The following CABLES2 variants were observed in gnomAD, a reference collection of about 807,000 sequenced individuals.
The protein encoded by CABLES2 is Cdk5 and Abl enzyme substrate 2, also known as CDK5 and ABL1 enzyme substrate 2.
CABLES2 carries 35 observed loss-of-function variants against 44.8 expected under a neutral mutation model. That is an observed-to-expected ratio of 0.78 (90% confidence interval 0.60 to 1.04). CABLES2 has a LOEUF of 1.04. Among genes scored for constraint, CABLES2 ranks in the 50% least tolerant of loss-of-function variants. CABLES2 has a pLI of 0.00. For synonymous variants in CABLES2, 282 were observed against 281.1 expected, an observed-to-expected ratio of 1.00 and a Z score of -0.03; for missense variants, 566 against 615.7, an observed-to-expected ratio of 0.92 and a Z score of 0.85.
intron 3 of CABLES2, among the ~76,000 whole-genome samples, chr20:62,395,625 C>A (rs547720184): frequency 6.6e-6 from 1 of 152,240 alleles, no homozygotes; most frequent in Non-Finnish European, 1.5e-5. Flanking sequence ...ACCAGGGGGA[C>A]AACAGTGGGA....
At chr20:62,393,098 G>T in intron 6 of CABLES2, 75 bp from the exon 7 acceptor site, 1 of 1,364,852 alleles carries the variant, frequency 7.3e-7, no homozygotes, top group East Asian at 2.3e-5. Flanking sequence ...TGGCAGGCCA[G>T]CGCCATGGCG....
At position 62,391,131 on chromosome 20, in the gene CABLES2, AGGGTTACAC is replaced by A. The variant is rs779829322; in HGVS notation, c.1297-29_1297-21del. 31 of 1,612,586 alleles carry A rather than the reference AGGGTTACAC, an allele frequency of 1.9e-5. No homozygotes were observed. Among genetic ancestry groups the A allele is most frequent in the Non-Finnish European group, 2.1e-5 (25 of 1,178,912 alleles). On this transcript the variant is annotated intron_variant, in intron 9 of 9. Coordinates refer to ENST00000279101, the MANE Select transcript of CABLES2 (RefSeq NM_031215.3). This position sits in a 1 kb window ranked among gnomAD's most constrained non-coding sequence, Gnocchi z 5.7. Reference sequence around the variant, plus strand: ...TAACTTCTGCAGGGGAGAAGAGAGAAGGGTTACACGGGAGCCTTCCCTCTTCCACATTTC... The same window carrying A: ...TAACTTCTGCAGGGGAGAAGAGAGAAGGGAGCCTTCCCTCTTCCACATTTC...
chr20:62,402,772 T>TG (rs1988213147), intron 1 of CABLES2: 1 of 152,448 alleles, frequency 6.6e-6, no homozygotes, highest in Non-Finnish European at 1.5e-5. Flanking sequence ...AGCATCCATA[T>TG]GGGGTCACAG....
chr20:62,394,890 T>G, intron 4 of CABLES2, 47 bp downstream of exon 4: 1 of 1,569,776 alleles, frequency 6.4e-7, no homozygotes, highest in South Asian at 1.1e-5. Context: ...AGGCCTTGCC[T>G]TCTGCCTAGA....
chr20:62,406,841 C>T, intron 1 of CABLES2, 74 bp downstream of exon 1: 1 of 885,704 alleles, frequency 1.1e-6, no homozygotes, highest in Non-Finnish European at 1.4e-6. Context: ...GACCCCTAGT[C>T]CTGGGCTGAT....
chr20:62,400,605 C>T (rs1221221935), intron 1 of CABLES2, among the ~76,000 whole-genome samples: 1 of 152,216 alleles, frequency 6.6e-6, no homozygotes, highest in African/African-American at 2.4e-5. Flanking sequence ...CTGGAAGCTC[C>T]TTCCCACGGG....
intron 1 of CABLES2, among the ~76,000 whole-genome samples, chr20:62,398,271 C>CGGTGGTGGTGGTGGTGAT: frequency 1.1e-5 from 1 of 95,236 alleles, no homozygotes; most frequent in Non-Finnish European, 2.1e-5. Context: ...ATGGTGATGG[C>CGGTGGTGGTGGTGGTGAT]GGTGGTGGTG....
Position 62,392,433 on chromosome 20 carries a change from C to T in CABLES2, c.1047G>A (p.Arg349=). Residue 349 remains arginine, a synonymous_variant, in exon 8 of 10, where the codon AGG becomes AGA. Coordinates refer to ENST00000279101, the MANE Select transcript of CABLES2 (RefSeq NM_031215.3). ...DLKKDMNETF[R]EKFPHVKLTL... Reference sequence around the variant, plus strand: ...TCAGTTTGACATGGGGGAACTTCTCCCTGAAGGTCTCGTTCATGTCCTTTT... The same window carrying T: ...TCAGTTTGACATGGGGGAACTTCTCTCTGAAGGTCTCGTTCATGTCCTTTT... The T allele has an allele frequency of 1.2e-6, 2 of 1,614,048 alleles. No homozygotes were observed. Among genetic ancestry groups the T allele is most frequent in the Non-Finnish European group, 1.7e-6 (2 of 1,179,980 alleles).
intron 1 of CABLES2, among the ~76,000 whole-genome samples, chr20:62,397,615 A>C (rs375483320): frequency 1.3e-5 from 2 of 152,178 alleles, no homozygotes; most frequent in African/African-American, 2.4e-5. Context: ...CGCAACTCCA[A>C]GTGCAGAGCT....
Position 62,391,217 on chromosome 20 carries a change from T to C in CABLES2, c.1296+32A>G. 1 of 1,602,804 alleles carries C rather than the reference T, an allele frequency of 6.2e-7. No homozygotes were observed. Among genetic ancestry groups the C allele is most frequent in the East Asian group, 2.2e-5 (1 of 44,638 alleles). ...TGGCCCTGGCTCGATGTCATGACCCTGCCTGCAGTGCCTGCCGAGCCGGGC... is the reference window on the plus strand; with the variant it reads ...TGGCCCTGGCTCGATGTCATGACCCCGCCTGCAGTGCCTGCCGAGCCGGGC... On this transcript the variant is annotated intron_variant, in intron 9 of 9. Transcript: ENST00000279101. This position sits in a 1 kb window ranked among gnomAD's most constrained non-coding sequence, Gnocchi z 5.7.
rs548105024 is a variant in CABLES2, at chr20:62,396,499, C to G, written c.434+22G>C. The G allele has an allele frequency of 4.4e-5, 71 of 1,613,504 alleles. No homozygotes were observed. Among genetic ancestry groups the G allele is most frequent in the Non-Finnish European group, 4.9e-5 (58 of 1,179,834 alleles). On this transcript the variant is annotated intron_variant, in intron 2 of 9. Coordinates refer to ENST00000279101, the MANE Select transcript of CABLES2 (RefSeq NM_031215.3). The surrounding 1 kb of genome is among the most constrained non-coding windows in gnomAD (Gnocchi z 5.7). ...GCAGCCCGAGCGGAGTCGTAGAGCTCGGGGCGGACGGGGGCGTGTACCTCT... is the reference window on the plus strand; with the variant it reads ...GCAGCCCGAGCGGAGTCGTAGAGCTGGGGGCGGACGGGGGCGTGTACCTCT...
At chr20:62,397,150 C>A (rs574251000) in intron 1 of CABLES2, among the ~76,000 whole-genome samples, 1 of 152,348 alleles carries the variant, frequency 6.6e-6, no homozygotes, top group African/African-American at 2.4e-5. Context: ...GCTGCTCCTC[C>A]GTCTGGAACA....
At chr20:62,393,345 T>C (rs936139045) in intron 6 of CABLES2, 95 bp downstream of exon 6, 16 of 1,309,858 alleles carry the variant, frequency 1.2e-5, no homozygotes, top group Admixed American at 2.2e-5. Context: ...GGCTACAGAT[T>C]GAAAGGGGCT....
Position 62,394,276 on chromosome 20 carries a change from G to A in CABLES2, c.606-11C>T. The A allele has an allele frequency of 6.2e-7, 1 of 1,610,306 alleles. No homozygotes were observed. The highest frequency in any genetic ancestry group is 8.5e-7 in the Non-Finnish European group (1 of 1,177,768). On this transcript the variant is annotated splice_polypyrimidine_tract_variant and intron_variant, in intron 4 of 9. Transcript: ENST00000279101. ...TCCACCCTCAGGTCACTGCAAACAT[G>A]GGAGAGGCAAGGGGCTGTGGTCTGC...
intron 1 of CABLES2, among the ~76,000 whole-genome samples, chr20:62,398,271 C>CGGTGGT (rs72320666): frequency 1.1e-5 from 1 of 95,236 alleles, no homozygotes; most frequent in Non-Finnish European, 2.1e-5. Flanking sequence ...ATGGTGATGG[C>CGGTGGT]GGTGGTGGTG....
At chr20:62,398,107 T>TGGC (rs1569017616) in intron 1 of CABLES2, among the ~76,000 whole-genome samples, 8 of 111,232 alleles carry the variant, frequency 7.2e-5, no homozygotes, top group Non-Finnish European at 9.6e-5. Flanking sequence ...GTGGTGGTGA[T>TGGC]GGTGGTGGTG....
intron 4 of CABLES2, among the ~76,000 whole-genome samples, chr20:62,394,631 G>A (rs1036012942): frequency 3.3e-5 from 5 of 152,124 alleles, no homozygotes; most frequent in African/African-American, 7.2e-5. Context: ...CCTGAATTAC[G>A]CACGGATACG....
At position 62,391,257 on chromosome 20, in the gene CABLES2, G is replaced by A. The variant is rs1987911256; in HGVS notation, c.1288C>T (p.Leu430Phe). The A allele has an allele frequency of 1.2e-6, 2 of 1,607,526 alleles. No individual in the cohort carries two copies. The highest frequency in any genetic ancestry group is 1.7e-6 in the Non-Finnish European group (2 of 1,175,972). ...CCGAGCCGGGCACTCACATCGATGAGCTGCGTCACGCCGCTCTTGCGCAGG... is the reference window on the plus strand; with the variant it reads ...CCGAGCCGGGCACTCACATCGATGAACTGCGTCACGCCGCTCTTGCGCAGG... ...SDLRKSGVTQLIDKLEERFRF... is the reference protein window; with the variant it reads ...SDLRKSGVTQFIDKLEERFRF... Residue 430 changes from leucine (L) to phenylalanine (F), a missense_variant, in exon 9 of 10, where the codon CTC (leucine) becomes TTC (phenylalanine). By Grantham distance (22) the Leu-to-Phe change is conservative (BLOSUM62 0). This residue lies in a region of CABLES2 where 436 missense variants were observed against 536.3 expected (regional missense o/e 0.81). Transcript: ENST00000279101. This position sits in a 1 kb window ranked among gnomAD's most constrained non-coding sequence, Gnocchi z 5.7.
chr20:62,398,056 CGATGGTGGTGGTGACGGTGGT>C (rs1569017437), intron 1 of CABLES2, among the ~76,000 whole-genome samples: 2 of 51,102 alleles, frequency 3.9e-5, no homozygotes, highest in African/African-American at 6.8e-5. Context: ...GTGGTGATGG[CGATGGTGGTGGTGACGGTGGT>C]GGTGGTGGTG....
Sources: gnomAD v4.1 joint callset for allele counts (sites outside exome capture counted in the v4.1 genomes callset) on GRCh38, gnomAD v4.1.1 for gene constraint, gnomAD v4.1.1 regional missense constraint, Gnocchi (gnomAD v3.1) non-coding constraint, MANE v1.5 for transcripts, NCBI Gene and HGNC (gene_info 2026-07-23, HGNC 2026-07-21) for gene names.